Variants in KCTD16 observed in about 807,000 individuals in gnomAD.
KCTD16 encodes potassium channel tetramerization domain containing 16, also known as BTB/POZ domain-containing protein KCTD16.
Under a neutral mutation model 33.2 loss-of-function variants are expected in KCTD16, and 13 were observed. The observed-to-expected ratio is 0.39, with a 90% CI of 0.25 to 0.62. The LOEUF (loss-of-function observed/expected upper bound fraction) is 0.62. Among genes scored for constraint, KCTD16 ranks in the 20% least tolerant of loss-of-function variants. KCTD16 has a pLI of 0.50. For missense variants in KCTD16, 441 were observed against 525.1 expected (o/e 0.84, Z 1.57); for synonymous variants, 197 against 195.3 (o/e 1.01, Z -0.07).
intron 3 of KCTD16, among the ~76,000 whole-genome samples, chr5:144,341,744 T>G (rs1377627475): frequency 6.6e-6 from 1 of 152,306 alleles, no homozygotes; most frequent in Non-Finnish European, 1.5e-5. Context: ...ACATAGAGTT[T>G]GGATTTGGGG....
chr5:144,329,211 G>A (rs1561569389), intron 3 of KCTD16, among the ~76,000 whole-genome samples: 1 of 152,256 alleles, frequency 6.6e-6, no homozygotes, highest in East Asian at 1.9e-4. Context: ...CAGCACAGGT[G>A]TAATGAATGT....
chr5:144,304,082 T>C (rs1751521246), intron 3 of KCTD16, among the ~76,000 whole-genome samples: 1 of 152,048 alleles, frequency 6.6e-6, no homozygotes, highest in Admixed American at 6.6e-5. Flanking sequence ...ACAAAAATAT[T>C]CAAATAAAAA....
At chr5:144,246,714 A>G (rs916132691) in intron 3 of KCTD16, among the ~76,000 whole-genome samples, 6 of 152,146 alleles carry the variant, frequency 3.9e-5, no homozygotes, top group African/African-American at 1.4e-4. Flanking sequence ...AATCATTAAA[A>G]TCAAGCCTTT....
intron 3 of KCTD16, among the ~76,000 whole-genome samples, chr5:144,215,844 A>T (rs1753547861): frequency 6.6e-6 from 1 of 152,200 alleles, no homozygotes; most frequent in African/African-American, 2.4e-5. Flanking sequence ...CAGTTTATTG[A>T]TGTTAAAACA....
chr5:144,438,297 C>T (rs1463827983), intron 3 of KCTD16, among the ~76,000 whole-genome samples: 1 of 152,144 alleles, frequency 6.6e-6, no homozygotes, highest in South Asian at 2.1e-4. Context: ...ATTCAATCTG[C>T]TTTTAAAGGA....
intron 3 of KCTD16, chr5:144,385,139 C>T (rs1047184177): frequency 2.6e-5 from 4 of 151,986 alleles, no homozygotes; most frequent in East Asian, 1.9e-4. Flanking sequence ...AATATATGAG[C>T]GAAAACTATT....
At chr5:144,297,106 G>C (rs942926982) in intron 3 of KCTD16, among the ~76,000 whole-genome samples, 7 of 152,342 alleles carry the variant, frequency 4.6e-5, no homozygotes, top group Admixed American at 6.5e-5. Context: ...CAATCTGGAA[G>C]ATGCTATTAG....
Position 144,244,627 on chromosome 5 carries a change from T to A in KCTD16, c.832+37081T>A, listed in dbSNP as rs79013290. On this transcript the variant is annotated intron_variant, in intron 3 of 3. Coordinates refer to ENST00000512467, the MANE Select transcript of KCTD16 (RefSeq NM_020768.4). ...CTCCATATTAACAAAATAACCTCTT[T>A]AACACATTAAACCTGTGTTTTTGCT... Among the ~76,000 whole-genome samples, 8 of 152,336 alleles carry A rather than the reference T, an allele frequency of 5.3e-5. No individual in the cohort carries two copies. The East Asian group carries it at 1.5e-3, about 29-fold the overall frequency.
chr5:144,468,933 G>C (rs1454919846), intron 3 of KCTD16, among the ~76,000 whole-genome samples: 1 of 152,200 alleles, frequency 6.6e-6, no homozygotes, highest in East Asian at 1.9e-4. Context: ...GAAATATTCT[G>C]TAGTCTTTTC....
At chr5:144,224,145 CAAAT>C in intron 3 of KCTD16, among the ~76,000 whole-genome samples, 1 of 152,064 alleles carries the variant, frequency 6.6e-6, no homozygotes, top group Admixed American at 6.5e-5. Context: ...ACGGCAAAAA[CAAAT>C]TAATTTTGAT....
At position 144,219,175 on chromosome 5, in the gene KCTD16, A is replaced by C. The variant is rs1474270121; in HGVS notation, c.832+11629A>C. 2.6e-5 allele frequency among the ~76,000 whole-genome samples: 4 copies of C among 152,102 alleles called. No individual in the cohort carries two copies. In the East Asian group the frequency reaches 7.7e-4, roughly 29 times the overall value. On this transcript the variant is annotated intron_variant, in intron 3 of 3. Transcript: ENST00000512467. ...CCACCTTGTTAGCTTTGTTTTCATC[A>C]GTAGCCAGGCATTTTGTCTCCCAGC...
Position 144,370,221 on chromosome 5 carries a change from G to A in KCTD16, c.833-103439G>A, listed in dbSNP as rs10075906. 3.2e-3 allele frequency among the ~76,000 whole-genome samples: 493 copies of A among 152,106 alleles called. 1 individual carries two copies. Among genetic ancestry groups the A allele is most frequent in the Non-Finnish European group, 5.3e-3 (358 of 68,000 alleles). On this transcript the variant is annotated intron_variant, in intron 3 of 3. Coordinates refer to ENST00000512467, the MANE Select transcript of KCTD16 (RefSeq NM_020768.4). ...ATGAGTACCAGTAGCTGTGAATGTCGTGGCAGCTAAGGAGGGGGTAGAAGG... is the reference window on the plus strand; with the variant it reads ...ATGAGTACCAGTAGCTGTGAATGTCATGGCAGCTAAGGAGGGGGTAGAAGG...
At chr5:144,176,783 C>A (rs114933604) in intron 2 of KCTD16, among the ~76,000 whole-genome samples, 1 of 152,086 alleles carries the variant, frequency 6.6e-6, no homozygotes, top group African/African-American at 2.4e-5. Flanking sequence ...TTACTGCAAG[C>A]GTGATATATT....
intron 3 of KCTD16, among the ~76,000 whole-genome samples, chr5:144,435,433 A>G (rs1314236383): frequency 6.6e-6 from 1 of 152,186 alleles, no homozygotes; most frequent in Non-Finnish European, 1.5e-5. Context: ...ATATCACTTC[A>G]TGTTTTTAAA....
At chr5:144,396,581 C>A (rs1752571437) in intron 3 of KCTD16, among the ~76,000 whole-genome samples, 2 of 152,118 alleles carry the variant, frequency 1.3e-5, no homozygotes, top group Non-Finnish European at 2.9e-5. Flanking sequence ...AATTGTGGGT[C>A]AGAGCCTCCA....
intron 3 of KCTD16, among the ~76,000 whole-genome samples, chr5:144,338,691 G>A (rs1322526775): frequency 6.6e-6 from 1 of 152,108 alleles, no homozygotes; most frequent in Non-Finnish European, 1.5e-5. Flanking sequence ...CCTATTTTAT[G>A]GGCATATGCA....
chr5:144,364,600 G>A (rs1751791063), intron 3 of KCTD16, among the ~76,000 whole-genome samples: 1 of 152,204 alleles, frequency 6.6e-6, no homozygotes, highest in Non-Finnish European at 1.5e-5. Flanking sequence ...CATAATTAGA[G>A]TTATACTGAC....
intron 3 of KCTD16, among the ~76,000 whole-genome samples, chr5:144,407,431 G>A (rs569590388): frequency 6.6e-6 from 1 of 151,644 alleles, no homozygotes; most frequent in East Asian, 1.9e-4. Flanking sequence ...TGGTTATATA[G>A]GTAAATTGCA....
intron 3 of KCTD16, among the ~76,000 whole-genome samples, chr5:144,355,829 C>T (rs1751557670): frequency 6.6e-6 from 1 of 152,148 alleles, no homozygotes; most frequent in Non-Finnish European, 1.5e-5. Context: ...GTTCTATCTA[C>T]TCCCCTTGCT....
Sources: gnomAD v4.1 joint callset for allele counts (sites outside exome capture counted in the v4.1 genomes callset) on GRCh38, gnomAD v4.1.1 for gene constraint, MANE v1.5 for transcripts, NCBI Gene and HGNC (gene_info 2026-07-23, HGNC 2026-07-21) for gene names.